Variants in ACACB observed in about 807,000 individuals in gnomAD.
ACACB encodes acetyl-CoA carboxylase 2.
ACACB carries 209 observed loss-of-function variants against 278.8 expected under a neutral mutation model. The observed-to-expected ratio is 0.75, with a 90% CI of 0.67 to 0.84. ACACB has a LOEUF of 0.84. Ranked by LOEUF, ACACB falls within the 40% of genes least tolerant of loss-of-function variation. The pLI, the probability that ACACB is intolerant of heterozygous loss-of-function variation, is 0.00. For missense variants in ACACB, 2,850 were observed against 3,269.0 expected (o/e 0.87, Z 3.13); for synonymous variants, 1,174 against 1,285.6 (o/e 0.91, Z 1.86).
At chr12:109,226,487 G>T (rs1395914723) in intron 27 of ACACB, among the ~76,000 whole-genome samples, 1 of 151,942 alleles carries the variant, frequency 6.6e-6, no homozygotes. Context: ...ATCACCTGAG[G>T]TCGGGAGTTT....
rs754655827 is a variant in ACACB, at chr12:109,246,400, C to G, written c.5523C>G (p.Ile1841Met). 1 of 1,613,596 alleles carries G rather than the reference C, an allele frequency of 6.2e-7. No individual in the cohort carries two copies. Among genetic ancestry groups the G allele is most frequent in the Non-Finnish European group, 8.5e-7 (1 of 1,179,936 alleles). Reference protein sequence around the residue: ...SGARIGMAEEIKHMFHVAWVD... With the variant: ...SGARIGMAEEMKHMFHVAWVD... ...CCCGTATTGGCATGGCAGAGGAGAT[C>G]AAACACATGTTCCACGTGGCTTGGG... Residue 1841 changes from isoleucine (I) to methionine (M), a missense_variant, in exon 39 of 53, where the codon ATC becomes ATG. Around this residue, in one of 3 missense-constraint regions of ACACB, gnomAD observed 2,265 missense variants for 2,561.3 expected, o/e 0.88. Coordinates refer to ENST00000338432, the MANE Select transcript of ACACB (RefSeq NM_001093.4).
intron 48 of ACACB, among the ~76,000 whole-genome samples, chr12:109,261,663 G>C (rs770948023): frequency 6.6e-6 from 1 of 152,060 alleles, no homozygotes; most frequent in Non-Finnish European, 1.5e-5. Context: ...TTGAGGCCAG[G>C]AGTTCAAGAC....
chr12:109,256,726 C>T (rs2136798609), intron 45 of ACACB, among the ~76,000 whole-genome samples: 1 of 152,298 alleles, frequency 6.6e-6, no homozygotes, highest in South Asian at 2.1e-4. Context: ...CGAGCTCCCT[C>T]CTCATCATTT....
intron 2 of ACACB, among the ~76,000 whole-genome samples, chr12:109,161,372 G>A (rs915995821): frequency 2.6e-5 from 4 of 151,912 alleles, no homozygotes; most frequent in African/African-American, 4.8e-5. Context: ...GTAAAACCCC[G>A]TCTCTACTAA....
rs756205551 is a variant in ACACB, at chr12:109,179,224, G to A, written c.1574G>A (p.Arg525Gln). Residue 525 changes from arginine (R) to glutamine (Q), a missense_variant, in exon 10 of 53, where the codon CGG becomes CAG. Physicochemically the swap from Arg to Gln is conservative, Grantham distance 43. Coordinates refer to ENST00000338432, the MANE Select transcript of ACACB (RefSeq NM_001093.4). Reference protein sequence around the residue: ...SLFGRDCSIQRRHQKIVEEAP... With the variant: ...SLFGRDCSIQQRHQKIVEEAP... The stretch of plus-strand genomic sequence containing the variant: ...TTTGGTCGCGACTGCTCCATCCAGC[G>A]GCGGCATCAGAAGATCGTTGAGGAA... 3.7e-6 allele frequency: 6 copies of A among 1,614,104 alleles called. No homozygotes were observed. The highest frequency in any genetic ancestry group is 1.1e-5 in the South Asian group (1 of 91,082).
chr12:109,216,285 G>A (rs2045995904), intron 22 of ACACB, among the ~76,000 whole-genome samples: 1 of 147,588 alleles, frequency 6.8e-6, no homozygotes, highest in South Asian at 2.1e-4. Flanking sequence ...GCAGTGGTGC[G>A]ATCTCGGCTC....
intron 2 of ACACB, among the ~76,000 whole-genome samples, chr12:109,157,911 T>C (rs1194383809): frequency 6.6e-6 from 1 of 152,140 alleles, no homozygotes; most frequent in Non-Finnish European, 1.5e-5. Flanking sequence ...TGAGTCCCAT[T>C]TCACTGCCAT....
chr12:109,196,154 C>T (rs1190198178), intron 16 of ACACB, among the ~76,000 whole-genome samples: 2 of 152,090 alleles, frequency 1.3e-5, no homozygotes, highest in African/African-American at 2.4e-5. Flanking sequence ...ATGGGGCAGG[C>T]GCTCTTCCTG....
chr12:109,232,967 G>A (rs899026522), intron 29 of ACACB, among the ~76,000 whole-genome samples, 161 bp downstream of exon 29: 1 of 152,156 alleles, frequency 6.6e-6, no homozygotes, highest in Non-Finnish European at 1.5e-5. Flanking sequence ...GTAGCCAAGA[G>A]TATGAGCCTA....
upstream of ACACB, among the ~76,000 whole-genome samples, chr12:109,114,242 C>T (rs778645641): frequency 9.2e-5 from 14 of 152,070 alleles, no homozygotes; most frequent in South Asian, 2.1e-4. Flanking sequence ...TATTGGTGAG[C>T]GGAGCAGACC....
intron 24 of ACACB, among the ~76,000 whole-genome samples, chr12:109,218,574 T>G (rs1391443709): frequency 6.6e-6 from 1 of 151,956 alleles, no homozygotes; most frequent in African/African-American, 2.4e-5. Flanking sequence ...ATATGTCCCT[T>G]GCAACTGACT....
chr12:109,260,757 C>G, intron 48 of ACACB, 100 bp downstream of exon 48: 2 of 1,209,230 alleles, frequency 1.7e-6, no homozygotes, highest in Non-Finnish European at 2.2e-6. Flanking sequence ...GTGGCTGGAA[C>G]CTGTAAGTGG....
chr12:109,146,528 G>C (rs1328366936), intron 2 of ACACB, among the ~76,000 whole-genome samples: 1 of 152,142 alleles, frequency 6.6e-6, no homozygotes. Flanking sequence ...TTGGGAGTTC[G>C]CACTGGGTTC....
chr12:109,242,616 G>T (rs973395931), intron 37 of ACACB, 24 bp downstream of exon 37: 9 of 1,612,932 alleles, frequency 5.6e-6, no homozygotes, highest in Non-Finnish European at 6.8e-6. Flanking sequence ...CTCAGACGCG[G>T]TACCCCCTGG....
intron 48 of ACACB, 125 bp from the exon 49 acceptor site, chr12:109,262,231 TA>T: frequency 1.5e-6 from 1 of 678,894 alleles, no homozygotes; most frequent in Non-Finnish European, 2.6e-6. Context: ...TGTGTGGGGG[TA>T]AAAGAGCTGA....
intron 20 of ACACB, among the ~76,000 whole-genome samples, chr12:109,208,081 A>G (rs1254210567): frequency 6.6e-6 from 1 of 152,208 alleles, no homozygotes; most frequent in Non-Finnish European, 1.5e-5. Flanking sequence ...ACTGAGGGAC[A>G]CAGAGACTAA....
upstream of ACACB, among the ~76,000 whole-genome samples, chr12:109,113,704 T>A (rs1311638620): frequency 1.3e-5 from 2 of 152,242 alleles, no homozygotes; most frequent in Non-Finnish European, 2.9e-5. Flanking sequence ...TCTTCGCAAG[T>A]ATGTTTGGTG....
At chr12:109,173,988 A>G in intron 6 of ACACB, 144 bp from the exon 7 acceptor site, 1 of 603,562 alleles carries the variant, frequency 1.7e-6, no homozygotes, top group Non-Finnish European at 2.9e-6. Context: ...CATGAGGTTA[A>G]GCTCCTTGAG....
chr12:109,241,181 C>T lies in ACACB; in HGVS notation c.4922C>T (p.Thr1641Ile). 1.2e-6 allele frequency: 2 copies of T among 1,614,190 alleles called. No individual in the cohort carries two copies. The highest frequency in any genetic ancestry group is 1.7e-6 in the Non-Finnish European group (2 of 1,180,032). Residue 1641 changes from threonine (T) to isoleucine (I), a missense_variant, in exon 36 of 53, where the codon ACC becomes ATC. Thr to Ile is a moderately conservative substitution (Grantham distance 89). This residue lies in a region of ACACB where 2,265 missense variants were observed against 2,561.3 expected (regional missense o/e 0.88). Coordinates refer to ENST00000338432, the MANE Select transcript of ACACB (RefSeq NM_001093.4). ...EVKINIRQTT[T>I]GSAVPIRLFI... ...AAGATCAACATCCGCCAGACCACCA[C>T]CGGCAGTGCCGTTCCCATCCGCCTG...
Sources: gnomAD v4.1 joint callset for allele counts (sites outside exome capture counted in the v4.1 genomes callset) on GRCh38, gnomAD v4.1.1 for gene constraint, gnomAD v4.1.1 regional missense constraint, MANE v1.5 for transcripts, NCBI Gene and HGNC (gene_info 2026-07-23, HGNC 2026-07-21) for gene names.